ADAMDEC1: variants seen among roughly 807,000 people sequenced by gnomAD.
ADAMDEC1 encodes the protein ADAM DEC1.
ADAMDEC1 carries 62 observed loss-of-function variants against 60.4 expected under a neutral mutation model. The observed-to-expected ratio is 1.03, with a 90% CI of 0.84 to 1.27. The LOEUF is 1.27. Among genes scored for constraint, ADAMDEC1 ranks in the 50% most tolerant of loss-of-function variants. The probability of loss-of-function intolerance (pLI) is 0.00; values close to 1 mark genes in which losing one functional copy is unlikely to be tolerated. For missense variants in ADAMDEC1, 595 were observed against 565.0 expected (o/e 1.05, Z -0.54); for synonymous variants, 210 against 195.1 (o/e 1.08, Z -0.64).
intron 10 of ADAMDEC1, among the ~76,000 whole-genome samples, chr8:24,399,779 A>C (rs564220093): frequency 2.8e-4 from 43 of 152,282 alleles, no homozygotes; most frequent in African/African-American, 1.0e-3. Context: ...AGTCATCCCC[A>C]GTATCTATGG....
chr8:24,400,234 G>T lies in ADAMDEC1; in HGVS notation c.1076G>T (p.Gly359Val). 6.2e-7 allele frequency: 1 copy of T among 1,612,270 alleles called. No individual in the cohort carries two copies. Among genetic ancestry groups the T allele is most frequent in the Non-Finnish European group, 8.5e-7 (1 of 1,179,010 alleles). ...TCACATGAGCTGGGCCATGTCCTTGGTATGCCTGATGTTCCATTCAACACC... is the reference window on the plus strand; with the variant it reads ...TCACATGAGCTGGGCCATGTCCTTGTTATGCCTGATGTTCCATTCAACACC... The part of the protein sequence containing the change: ...VMSHELGHVL[G>V]MPDVPFNTKC... Residue 359 changes from glycine (G) to valine (V), a missense_variant, in exon 11 of 14, where the codon GGT becomes GTT. By Grantham distance (109) the Gly-to-Val change is moderately radical (BLOSUM62 -3). Coordinates refer to ENST00000256412, the MANE Select transcript of ADAMDEC1 (RefSeq NM_014479.3).
At chr8:24,394,586 C>A (rs1333712930) in intron 4 of ADAMDEC1, among the ~76,000 whole-genome samples, 2 of 152,076 alleles carry the variant, frequency 1.3e-5, no homozygotes, top group Admixed American at 6.6e-5. Flanking sequence ...ATCCCGTAGA[C>A]AATACCAGGG....
chr8:24,390,163 A>G (rs1329841646), intron 1 of ADAMDEC1: 5 of 1,017,600 alleles, frequency 4.9e-6, no homozygotes, highest in Middle Eastern at 2.4e-4. Flanking sequence ...TCAGCATTCA[A>G]TAAATATTTG....
rs1410657948 is a variant in ADAMDEC1 at position 24,402,090 on chromosome 8, A to G, written c.1318A>G (p.Lys440Glu). ...VGEDCDCGSP[K>E]ECTNLCCEAL... ...AGAAGACTGTGATTGTGGCTCTCCT[A>G]AGGTATTATTTATTAGAATTATTGG... The change falls in exon 12 of 14, where the codon AAG becomes GAG. Residue 440 changes from lysine to glutamate, a missense_variant and splice_region_variant. Transcript: ENST00000256412. The G allele has an allele frequency of 2.5e-6, 4 of 1,600,478 alleles. No homozygotes were observed. In the South Asian group the frequency reaches 3.4e-5, roughly 13 times the overall value.
chr8:24,386,984 G>T (rs565921203), intron 1 of ADAMDEC1, among the ~76,000 whole-genome samples: 9 of 152,154 alleles, frequency 5.9e-5, no homozygotes, highest in South Asian at 2.1e-4. Flanking sequence ...TTCACCAGAG[G>T]GGGTATTTAC....
chr8:24,395,810 T>A lies in ADAMDEC1; in HGVS notation c.440+14T>A, dbSNP rs1234973347. 3 of 1,587,112 alleles carry A rather than the reference T, an allele frequency of 1.9e-6. No homozygotes were observed. The South Asian group carries it at 3.3e-5, about 18-fold the overall frequency. On this transcript the variant is annotated intron_variant, in intron 5 of 13. Coordinates refer to ENST00000256412, the MANE Select transcript of ADAMDEC1 (RefSeq NM_014479.3). Reference sequence around the variant, plus strand: ...TGACGGGTTGAGGTAAGAACTACCATCAAAATTACTCAAGATCAAGAAGCT... The same window carrying A: ...TGACGGGTTGAGGTAAGAACTACCAACAAAATTACTCAAGATCAAGAAGCT...
chr8:24,397,437 G>A lies in ADAMDEC1; in HGVS notation c.608G>A (p.Arg203Lys). Reference sequence around the variant, plus strand: ...AAACAAGGCCCAATTCGAATCTCTAGATCACTCAAAAGCCCAGAGGTGAAT... The same window carrying A: ...AAACAAGGCCCAATTCGAATCTCTAAATCACTCAAAAGCCCAGAGGTGAAT... ...DGKQGPIRIS[R>K]SLKSPEKEDF... The change falls in exon 6 of 14, where the codon AGA becomes AAA. Residue 203 changes from arginine (R) to lysine (K), a missense_variant. Arg to Lys is a conservative substitution (Grantham distance 26). Coordinates refer to ENST00000256412, the MANE Select transcript of ADAMDEC1 (RefSeq NM_014479.3). 1.2e-6 allele frequency: 2 copies of A among 1,613,584 alleles called. No individual in the cohort carries two copies. Among genetic ancestry groups the A allele is most frequent in the Non-Finnish European group, 1.7e-6 (2 of 1,179,720 alleles).
chr8:24,402,763 G>A (rs531016450), intron 12 of ADAMDEC1, among the ~76,000 whole-genome samples: 7 of 152,178 alleles, frequency 4.6e-5, no homozygotes, highest in East Asian at 1.9e-4. Flanking sequence ...TGAACATGGC[G>A]TCTAAACTCT....
chr8:24,401,109 G>A (rs1389665227), intron 11 of ADAMDEC1, among the ~76,000 whole-genome samples: 1 of 152,058 alleles, frequency 6.6e-6, no homozygotes, highest in Non-Finnish European at 1.5e-5. Context: ...GAATTCGGAA[G>A]CAGTCTACAG....
At chr8:24,396,528 A>C (rs1817618398) in intron 5 of ADAMDEC1, among the ~76,000 whole-genome samples, 1 of 152,198 alleles carries the variant, frequency 6.6e-6, no homozygotes, top group African/African-American at 2.4e-5. Flanking sequence ...AAAAAAAAGA[A>C]AAAGAAGGTA....
chr8:24,401,856 T>C, intron 11 of ADAMDEC1, 59 bp from the exon 12 acceptor site: 1 of 1,310,906 alleles, frequency 7.6e-7, no homozygotes, highest in Non-Finnish European at 1.0e-6. Flanking sequence ...TTATTCTGTG[T>C]TTCACGCAGA....
intron 1 of ADAMDEC1, among the ~76,000 whole-genome samples, chr8:24,388,309 G>A (rs76382459): frequency 0.021 from 3,148 of 151,954 alleles, 114 homozygotes; most frequent in African/African-American, 0.073. Context: ...ATCTTCAAAC[G>A]TACTGTCTAT....
At chr8:24,402,260 C>G (rs886461590) in intron 12 of ADAMDEC1, among the ~76,000 whole-genome samples, 168 bp downstream of exon 12, 1 of 152,112 alleles carries the variant, frequency 6.6e-6, no homozygotes, top group African/African-American at 2.4e-5. Flanking sequence ...AAAGGCATTT[C>G]AAAAACTAGG....
rs1273947012 is a variant in ADAMDEC1 at position 24,398,543 on chromosome 8, C to T, written c.754C>T (p.Leu252Phe). ...CTTTGTGTTTGATGTGATGAACCTACTCAATGTGGTAAGACATTAGTCATG... is the reference window on the plus strand; with the variant it reads ...CTTTGTGTTTGATGTGATGAACCTATTCAATGTGGTAAGACATTAGTCATG... ...RSFVFDVMNLLNVIYNTIDVQ... is the reference protein window; with the variant it reads ...RSFVFDVMNLFNVIYNTIDVQ... Residue 252 changes from leucine to phenylalanine, a missense_variant, in exon 8 of 14, where the codon CTC becomes TTC. Physicochemically the swap from Leu to Phe is conservative, Grantham distance 22. Transcript: ENST00000256412. 2 of 1,599,092 alleles carry T rather than the reference C, an allele frequency of 1.3e-6. No individual in the cohort carries two copies. The highest frequency in any genetic ancestry group is 1.7e-6 in the Non-Finnish European group (2 of 1,170,092).
At chr8:24,401,869 G>C in intron 11 of ADAMDEC1, 46 bp from the exon 12 acceptor site, 1 of 1,404,460 alleles carries the variant, frequency 7.1e-7, no homozygotes, top group Non-Finnish European at 9.8e-7. Flanking sequence ...CACGCAGAAG[G>C]CACCACACTG....
At position 24,397,257 on chromosome 8, in the gene ADAMDEC1, C is replaced by T. The variant is rs1255801702; in HGVS notation, c.441-13C>T. Reference sequence around the variant, plus strand: ...GTCAGGAATCCTGAAATATAAGTCTCTATATCTCCCAGAGGATACTTCACA... The same window carrying T: ...GTCAGGAATCCTGAAATATAAGTCTTTATATCTCCCAGAGGATACTTCACA... On this transcript the variant is annotated splice_polypyrimidine_tract_variant and intron_variant, in intron 5 of 13. Transcript: ENST00000256412. 2.5e-6 allele frequency: 4 copies of T among 1,603,106 alleles called. No homozygotes were observed. The highest frequency in any genetic ancestry group is 3.4e-6 in the Non-Finnish European group (4 of 1,175,640).
intron 9 of ADAMDEC1, 90 bp downstream of exon 9, chr8:24,399,130 CT>C (rs1817694368): frequency 7.2e-7 from 1 of 1,397,780 alleles, no homozygotes; most frequent in African/African-American, 1.4e-5. Flanking sequence ...TAATATTTCC[CT>C]GATCAACTGT....
intron 5 of ADAMDEC1, 47 bp downstream of exon 5, chr8:24,395,843 A>T (rs753281256): frequency 1.4e-6 from 2 of 1,454,710 alleles, no homozygotes; most frequent in African/African-American, 2.8e-5. Context: ...GCTTTTTGTT[A>T]CACAGAATTA....
intron 1 of ADAMDEC1, among the ~76,000 whole-genome samples, chr8:24,391,723 G>A (rs1817449728): frequency 6.6e-6 from 1 of 152,052 alleles, no homozygotes; most frequent in Admixed American, 6.6e-5. Context: ...ACACACTGAG[G>A]AATAAAATTA....
Sources: gnomAD v4.1 joint callset for allele counts (sites outside exome capture counted in the v4.1 genomes callset) on GRCh38, gnomAD v4.1.1 for gene constraint, MANE v1.5 for transcripts, NCBI Gene and HGNC (gene_info 2026-07-23, HGNC 2026-07-21) for gene names.